The following ZNF385B variants were observed in gnomAD, a reference collection of about 807,000 sequenced individuals.
ZNF385B encodes the protein zinc finger protein 385B, also known as zinc finger protein 533.
ZNF385B carries 23 observed loss-of-function variants against 39.2 expected under a neutral mutation model. The ratio of observed to expected loss-of-function variants is 0.59; its 90% CI spans 0.42 to 0.83. The LOEUF is 0.83. Ranked by LOEUF, ZNF385B falls within the 40% of genes least tolerant of loss-of-function variation. ZNF385B has a pLI of 0.00. For missense variants in ZNF385B, 552 were observed against 598.9 expected (o/e 0.92, Z 0.82); for synonymous variants, 205 against 222.6 (o/e 0.92, Z 0.70).
chr2:179,743,126 T>C (rs79186172), intron 3 of ZNF385B, among the ~76,000 whole-genome samples: 516 of 152,210 alleles, frequency 3.4e-3, no homozygotes, highest in South Asian at 7.7e-3. Flanking sequence ...AAACATGTTA[T>C]ATCATCAGGA....
intron 1 of ZNF385B, among the ~76,000 whole-genome samples, chr2:179,825,370 A>G (rs1417065646): frequency 6.6e-6 from 1 of 152,174 alleles, no homozygotes; most frequent in Non-Finnish European, 1.5e-5. Flanking sequence ...TATCAAAATA[A>G]ATTTTAAATT....
chr2:179,703,188 C>G (rs1174795749), intron 3 of ZNF385B, among the ~76,000 whole-genome samples: 2 of 152,232 alleles, frequency 1.3e-5, no homozygotes, highest in Admixed American at 6.5e-5. Context: ...CCCTCTAGTT[C>G]TCTCTGAAGC....
intron 3 of ZNF385B, among the ~76,000 whole-genome samples, chr2:179,659,018 C>T (rs944115822): frequency 1.3e-5 from 2 of 152,166 alleles, no homozygotes; most frequent in East Asian, 3.9e-4. Flanking sequence ...CTCAGGTGAT[C>T]CGCCTGCCTC....
chr2:179,686,556 G>A (rs1697939797), intron 3 of ZNF385B, among the ~76,000 whole-genome samples: 1 of 152,116 alleles, frequency 6.6e-6, no homozygotes, highest in African/African-American at 2.4e-5. Context: ...CACCTGTAAA[G>A]TTAGGTGGTA....
chr2:179,759,078 C>T lies in ZNF385B; in HGVS notation c.298+10425G>A, dbSNP rs915367257. On this transcript the variant is annotated intron_variant, in intron 3 of 9. Coordinates refer to ENST00000410066, the MANE Select transcript of ZNF385B (RefSeq NM_152520.6). ...AGCATTCTCTTCATTCCCTTTGGAT[C>T]ACTTTTCTCCATTCTCTTTGCTTGA... is the stretch of plus-strand genomic sequence containing the variant. Among the ~76,000 whole-genome samples the T allele has an allele frequency of 2.0e-5, 3 of 152,266 alleles. No homozygotes were observed. In the South Asian group the frequency reaches 6.2e-4, roughly 32 times the overall value.
At chr2:179,812,458 C>T (rs1266902710) in intron 1 of ZNF385B, among the ~76,000 whole-genome samples, 1 of 151,998 alleles carries the variant, frequency 6.6e-6, no homozygotes, top group Non-Finnish European at 1.5e-5. Flanking sequence ...TACTATGTGG[C>T]CATAAAAAAG....
At chr2:179,651,401 GA>G (rs1437723459) in intron 3 of ZNF385B, among the ~76,000 whole-genome samples, 1 of 152,016 alleles carries the variant, frequency 6.6e-6, no homozygotes, top group Non-Finnish European at 1.5e-5. Flanking sequence ...GGAAAAATAA[GA>G]TATTTGTTTC....
At chr2:179,656,721 G>T (rs1385795766) in intron 3 of ZNF385B, among the ~76,000 whole-genome samples, 1 of 151,640 alleles carries the variant, frequency 6.6e-6, no homozygotes, top group Non-Finnish European at 1.5e-5. Context: ...TTTCATACTT[G>T]TCTCCCAAGA....
At chr2:179,706,506 T>C (rs1399313051) in intron 3 of ZNF385B, among the ~76,000 whole-genome samples, 1 of 152,092 alleles carries the variant, frequency 6.6e-6, no homozygotes, top group Admixed American at 6.5e-5. Flanking sequence ...GGGAAATCCA[T>C]GGGGCAAATC....
In ZNF385B at chr2:179,689,783, A is replaced by ATGTGTG. The variant is rs112957152; in HGVS notation, c.298+79714_298+79719dup. On this transcript the variant is annotated intron_variant, in intron 3 of 9. Coordinates refer to ENST00000410066, the MANE Select transcript of ZNF385B (RefSeq NM_152520.6). ...TGAAGAAGAGCGTGAGGGCAGGGGC[A>ATGTGTG]TGTGTGTGTGTGTGTGTGTGTGTGT... Among the ~76,000 whole-genome samples the ATGTGTG allele has an allele frequency of 3.8e-3, 498 of 130,098 alleles. 3 individuals are homozygous for ATGTGTG. Among genetic ancestry groups the ATGTGTG allele is most frequent in the East Asian group, 6.3e-3 (29 of 4,622 alleles). The allele number at this position is 130,098 out of a possible 152,430, so 85.3% of individuals were successfully genotyped here. A position where few individuals can be genotyped will look rare whatever the true frequency, so the allele number is the denominator to read the frequency against.
chr2:179,609,634 T>C (rs1689120800), intron 3 of ZNF385B, among the ~76,000 whole-genome samples: 1 of 152,210 alleles, frequency 6.6e-6, no homozygotes, highest in African/African-American at 2.4e-5. Context: ...CTATTTTTAG[T>C]TTTTTGAGAA....
chr2:179,501,565 G>A (rs371394727), intron 5 of ZNF385B, among the ~76,000 whole-genome samples: 2 of 152,216 alleles, frequency 1.3e-5, no homozygotes, highest in East Asian at 3.9e-4. Flanking sequence ...GTAGAAGGAT[G>A]GTTACCAGAG....
intron 3 of ZNF385B, among the ~76,000 whole-genome samples, chr2:179,658,238 G>A (rs185521057): frequency 1.1e-4 from 16 of 152,278 alleles, no homozygotes; most frequent in Admixed American, 1.0e-3. Context: ...ACAAGCGTAG[G>A]TGCTCTTTCC....
intron 4 of ZNF385B, among the ~76,000 whole-genome samples, chr2:179,529,492 T>C (rs1033131783): frequency 1.3e-5 from 2 of 152,144 alleles, no homozygotes; most frequent in African/African-American, 4.8e-5. Flanking sequence ...ATCTGTAACA[T>C]CTTTCAAAGA....
intron 1 of ZNF385B, among the ~76,000 whole-genome samples, chr2:179,818,423 T>G (rs866143531): frequency 6.6e-6 from 1 of 152,326 alleles, no homozygotes; most frequent in African/African-American, 2.4e-5. Context: ...TAACCTGATA[T>G]AATTAACTAA....
chr2:179,747,879 C>A (rs1702472626), intron 3 of ZNF385B, among the ~76,000 whole-genome samples: 1 of 152,126 alleles, frequency 6.6e-6, no homozygotes, highest in Non-Finnish European at 1.5e-5. Flanking sequence ...ATAGCAAAAC[C>A]TGTGCATATT....
intron 6 of ZNF385B, among the ~76,000 whole-genome samples, chr2:179,463,197 C>T (rs563197368): frequency 6.6e-6 from 1 of 152,090 alleles, no homozygotes; most frequent in South Asian, 2.1e-4. Flanking sequence ...TACCATTGCT[C>T]CAAATCTCTT....
intron 3 of ZNF385B, among the ~76,000 whole-genome samples, chr2:179,548,770 G>A (rs1007822951): frequency 2.7e-5 from 4 of 148,976 alleles, no homozygotes; most frequent in Admixed American, 6.7e-5. Flanking sequence ...AGAACAGCAC[G>A]GGAAAAACCT....
At chr2:179,646,577 C>T (rs1241961976) in intron 3 of ZNF385B, among the ~76,000 whole-genome samples, 1 of 152,140 alleles carries the variant, frequency 6.6e-6, no homozygotes, top group East Asian at 1.9e-4. Flanking sequence ...AGCCCTCAGC[C>T]CAGGGCCCAA....
Sources: gnomAD v4.1 joint callset for allele counts (sites outside exome capture counted in the v4.1 genomes callset) on GRCh38, gnomAD v4.1.1 for gene constraint, MANE v1.5 for transcripts, NCBI Gene and HGNC (gene_info 2026-07-23, HGNC 2026-07-21) for gene names.